The following MEOX2 variants were observed in gnomAD, a reference collection of about 807,000 sequenced individuals.
The protein encoded by MEOX2 is homeobox protein MOX-2.
In MEOX2, 11 loss-of-function variants were observed where a neutral mutation model predicts 27.0. The observed-to-expected ratio is 0.41, with a 90% CI of 0.26 to 0.68. MEOX2 has a LOEUF of 0.68. Ranked by LOEUF, MEOX2 falls within the 30% of genes least tolerant of loss-of-function variation. The pLI, the probability that MEOX2 is intolerant of heterozygous loss-of-function variation, is 0.33. For synonymous variants in MEOX2, 189 were observed against 155.4 expected (o/e 1.22, Z -1.61); for missense variants, 436 against 385.4 (o/e 1.13, Z -1.10).
At chr7:15,618,476 C>T (rs1388684306) in intron 2 of MEOX2, among the ~76,000 whole-genome samples, 10 of 151,936 alleles carry the variant, frequency 6.6e-5, no homozygotes, top group Admixed American at 5.2e-4. Context: ...GAATGATGGT[C>T]TTTGATCTCA....
intron 1 of MEOX2, among the ~76,000 whole-genome samples, chr7:15,634,704 C>A (rs534756567): frequency 6.6e-6 from 1 of 151,916 alleles, no homozygotes. Context: ...ATAAGTTGCA[C>A]GCATTATTTA....
At chr7:15,676,459 C>T (rs1050310617) in intron 1 of MEOX2, among the ~76,000 whole-genome samples, 3 of 152,156 alleles carry the variant, frequency 2.0e-5, no homozygotes, top group African/African-American at 7.2e-5. Flanking sequence ...CATTCCCACC[C>T]TCCTAGTTAA....
intron 1 of MEOX2, among the ~76,000 whole-genome samples, chr7:15,645,354 G>T (rs1221192009): frequency 6.6e-6 from 1 of 152,086 alleles, no homozygotes; most frequent in African/African-American, 2.4e-5. Flanking sequence ...TTCTTTAAAT[G>T]AAATAACAGC....
intron 1 of MEOX2, among the ~76,000 whole-genome samples, chr7:15,650,087 G>C (rs1457708826): frequency 6.6e-6 from 1 of 152,086 alleles, no homozygotes; most frequent in Non-Finnish European, 1.5e-5. Flanking sequence ...GTTCTCACCA[G>C]TCCAGCTCTT....
chr7:15,625,144 A>G (rs7807094), intron 2 of MEOX2, among the ~76,000 whole-genome samples: 8,049 of 152,250 alleles, frequency 0.053, 302 homozygotes, highest in African/African-American at 0.11. Flanking sequence ...TCCTTCATCT[A>G]CTATATAAAA....
intron 1 of MEOX2, chr7:15,668,262 G>A (rs1030338944): frequency 4.6e-5 from 7 of 152,176 alleles, no homozygotes; most frequent in Non-Finnish European, 7.3e-5. Flanking sequence ...GAAAACTGAA[G>A]CCCTTGATGA....
At chr7:15,612,743 G>GAA in intron 2 of MEOX2, 132 bp from the exon 3 acceptor site, 1 of 671,116 alleles carries the variant, frequency 1.5e-6, no homozygotes, top group South Asian at 1.9e-5. Context: ...GGAGTGAATA[G>GAA]AAAAATAAAT....
chr7:15,671,444 A>C (rs529115756), intron 1 of MEOX2, among the ~76,000 whole-genome samples: 1 of 152,296 alleles, frequency 6.6e-6, no homozygotes, highest in African/African-American at 2.4e-5. Flanking sequence ...TTACAGAAAT[A>C]AATGCTAACT....
chr7:15,622,781 T>C (rs940829634), intron 2 of MEOX2, among the ~76,000 whole-genome samples: 1 of 152,190 alleles, frequency 6.6e-6, no homozygotes, highest in East Asian at 1.9e-4. Context: ...CAAATTCTTA[T>C]GTTAAAATCC....
chr7:15,619,339 C>G (rs77925156), intron 2 of MEOX2, among the ~76,000 whole-genome samples: 1 of 151,998 alleles, frequency 6.6e-6, no homozygotes, highest in Non-Finnish European at 1.5e-5. Flanking sequence ...GCAGTACACT[C>G]TAAGTGATGA....
intron 1 of MEOX2, among the ~76,000 whole-genome samples, chr7:15,654,377 T>A (rs992495606): frequency 6.6e-6 from 1 of 151,820 alleles, no homozygotes; most frequent in South Asian, 2.1e-4. Context: ...CTTTTTTTTC[T>A]TCCTTTCTGA....
Position 15,685,781 on chromosome 7 carries a change from C to G in MEOX2, c.517+105G>C, listed in dbSNP as rs1782369250. The stretch of plus-strand genomic sequence containing the variant: ...GGAAGCCACAGAGGGCAACACATTC[C>G]CATCTTCCCTGCTGCCACCCTCCAG... On this transcript the variant is annotated intron_variant, in intron 1 of 2. Transcript: ENST00000262041. 33 of 1,439,288 alleles carry G rather than the reference C, an allele frequency of 2.3e-5. No individual in the cohort carries two copies. The South Asian group carries it at 4.2e-4, about 18-fold the overall frequency. 89.2% of individuals were successfully genotyped at this position (1,439,288 alleles called of 1,614,324 possible). A position where few individuals can be genotyped will look rare whatever the true frequency, so the allele number is the denominator to read the frequency against.
intron 1 of MEOX2, among the ~76,000 whole-genome samples, chr7:15,648,324 C>T (rs976217333): frequency 4.6e-5 from 7 of 151,886 alleles, no homozygotes; most frequent in Non-Finnish European, 1.0e-4. Flanking sequence ...TCGTAATAAA[C>T]GAGATTGCTT....
chr7:15,673,446 A>C (rs1270083573), intron 1 of MEOX2, among the ~76,000 whole-genome samples: 1 of 152,104 alleles, frequency 6.6e-6, no homozygotes, highest in Non-Finnish European at 1.5e-5. Flanking sequence ...GGCGTCATAG[A>C]ACTAAATACA....
At chr7:15,684,799 C>T (rs2115400280) in intron 1 of MEOX2, among the ~76,000 whole-genome samples, 1 of 152,330 alleles carries the variant, frequency 6.6e-6, no homozygotes, top group East Asian at 1.9e-4. Context: ...CCAGGTTGCA[C>T]TATACCCACG....
At chr7:15,676,472 G>A (rs1301336593) in intron 1 of MEOX2, among the ~76,000 whole-genome samples, 1 of 152,102 alleles carries the variant, frequency 6.6e-6, no homozygotes, top group East Asian at 1.9e-4. Context: ...CTAGTTAACA[G>A]CTAAAACAGA....
intron 1 of MEOX2, among the ~76,000 whole-genome samples, chr7:15,632,745 G>A (rs748373543): frequency 6.6e-6 from 1 of 151,704 alleles, no homozygotes; most frequent in Non-Finnish European, 1.5e-5. Flanking sequence ...AAGTCTTCTG[G>A]GTAAAAATAA....
At chr7:15,674,255 T>C (rs1782156612) in intron 1 of MEOX2, among the ~76,000 whole-genome samples, 1 of 152,120 alleles carries the variant, frequency 6.6e-6, no homozygotes, top group Non-Finnish European at 1.5e-5. Context: ...TAATACTACA[T>C]GTTGTATTAT....
chr7:15,616,720 A>G (rs534890988), intron 2 of MEOX2, among the ~76,000 whole-genome samples: 1 of 152,110 alleles, frequency 6.6e-6, no homozygotes, highest in African/African-American at 2.4e-5. Context: ...TAATAAGATT[A>G]ATTTATAAAC....
Sources: allele counts gnomAD v4.1 joint callset (sites outside exome capture counted in the v4.1 genomes callset), GRCh38; gene constraint gnomAD v4.1.1; transcripts MANE v1.5; gene names NCBI Gene and HGNC (gene_info 2026-07-23, HGNC 2026-07-21).